The following VPS13B variants were observed in gnomAD, a reference collection of about 807,000 sequenced individuals.
VPS13B encodes the protein vacuolar protein sorting 13 homolog B, also known as intermembrane lipid transfer protein VPS13B.
Under a neutral mutation model 426.4 loss-of-function variants are expected in VPS13B, and 285 were observed. The observed-to-expected ratio is 0.67, with a 90% CI of 0.61 to 0.74. The LOEUF (loss-of-function observed/expected upper bound fraction) is 0.74. Ranked by LOEUF, VPS13B falls within the 30% of genes least tolerant of loss-of-function variation. The pLI is 0.00. For missense variants in VPS13B, 4,537 were observed against 4,782.6 expected, an observed-to-expected ratio of 0.95 and a Z score of 1.51; for synonymous variants, 1,676 against 1,676.4, an observed-to-expected ratio of 1.00 and a Z score of 0.01.
At chr8:99,824,636 G>T (rs1814569458) in intron 51 of VPS13B, among the ~76,000 whole-genome samples, 1 of 146,988 alleles carries the variant, frequency 6.8e-6, no homozygotes. Flanking sequence ...TGGGATACAT[G>T]TGTAGAACAT....
chr8:99,425,895 T>A (rs946598538), intron 21 of VPS13B, among the ~76,000 whole-genome samples: 2 of 151,868 alleles, frequency 1.3e-5, no homozygotes, highest in African/African-American at 4.9e-5. Flanking sequence ...ACAAGCATTC[T>A]GTTTTTTGTT....
At chr8:99,050,620 C>T (rs1433730607) in intron 3 of VPS13B, among the ~76,000 whole-genome samples, 1 of 152,206 alleles carries the variant, frequency 6.6e-6, no homozygotes, top group Non-Finnish European at 1.5e-5. Flanking sequence ...CTGACTTCTA[C>T]AGTGGTTGAA....
chr8:99,161,029 TTA>T (rs1238020389), intron 15 of VPS13B, among the ~76,000 whole-genome samples: 2 of 152,154 alleles, frequency 1.3e-5, no homozygotes, highest in Admixed American at 1.3e-4. Context: ...GGCCATTATT[TTA>T]GTGATCTACC....
intron 33 of VPS13B, among the ~76,000 whole-genome samples, chr8:99,602,736 A>G (rs1217989264): frequency 6.6e-6 from 1 of 152,130 alleles, no homozygotes; most frequent in Admixed American, 6.5e-5. Context: ...CTATACACCA[A>G]TAATAGACAA....
chr8:99,604,059 A>G (rs1241792378), intron 33 of VPS13B, among the ~76,000 whole-genome samples: 1 of 152,224 alleles, frequency 6.6e-6, no homozygotes, highest in African/African-American at 2.4e-5. Flanking sequence ...AATTCAGGCC[A>G]CAAGGACTGA....
At chr8:99,203,149 A>G (rs559158648) in intron 17 of VPS13B, among the ~76,000 whole-genome samples, 2 of 152,306 alleles carry the variant, frequency 1.3e-5, no homozygotes, top group South Asian at 4.1e-4. Flanking sequence ...CAGCACATCA[A>G]AAAGCTTATC....
At chr8:99,485,011 G>A (rs142470528) in intron 25 of VPS13B, among the ~76,000 whole-genome samples, 2 of 152,208 alleles carry the variant, frequency 1.3e-5, no homozygotes, top group African/African-American at 2.4e-5. Context: ...TTTCAATTTA[G>A]TGAGTCTTCA....
At chr8:99,472,772 A>G (rs562080226) in intron 24 of VPS13B, among the ~76,000 whole-genome samples, 1 of 152,104 alleles carries the variant, frequency 6.6e-6, no homozygotes, top group African/African-American at 2.4e-5. Context: ...CAAAATTGAC[A>G]GTTCCTTAGC....
In VPS13B at chr8:99,147,809, T is replaced by A. The variant is rs749854171; in HGVS notation, c.1844-32T>A. 6.0e-6 allele frequency: 8 copies of A among 1,328,506 alleles called. No homozygotes were observed. In the Admixed American group the frequency reaches 1.5e-4, roughly 25 times the overall value. The allele number at this position is 1,328,506 out of a possible 1,614,324, so 82.3% of individuals were successfully genotyped here. On this transcript the variant is annotated intron_variant, in intron 13 of 61. Coordinates refer to ENST00000357162, the MANE Select transcript of VPS13B (RefSeq NM_152564.5). ...GTTTAAGAATATTATTTAAAAATAT[T>A]CTTTATTAATTTTTTATCATTTTAA...
At chr8:99,515,919 T>C (rs1328146232) in intron 29 of VPS13B, among the ~76,000 whole-genome samples, 1 of 152,204 alleles carries the variant, frequency 6.6e-6, no homozygotes, top group African/African-American at 2.4e-5. Context: ...AATACATTTT[T>C]TGTGTATTAA....
chr8:99,142,428 G>A (rs1810478720), intron 12 of VPS13B, among the ~76,000 whole-genome samples: 1 of 152,100 alleles, frequency 6.6e-6, no homozygotes, highest in Non-Finnish European at 1.5e-5. Flanking sequence ...GAGGAGATGA[G>A]GAGTCTAGGA....
intron 14 of VPS13B, among the ~76,000 whole-genome samples, chr8:99,153,083 T>C (rs1305418526): frequency 6.6e-6 from 1 of 152,146 alleles, no homozygotes; most frequent in Non-Finnish European, 1.5e-5. Flanking sequence ...GGTGAGCGGA[T>C]CACCTGAGCC....
At chr8:99,721,848 G>A (rs553880458) in intron 39 of VPS13B, among the ~76,000 whole-genome samples, 5 of 152,284 alleles carry the variant, frequency 3.3e-5, no homozygotes, top group African/African-American at 9.6e-5. Flanking sequence ...TTGAGTTCAA[G>A]CTGCCATCTT....
At chr8:99,793,103 C>G (rs1386681483) in intron 43 of VPS13B, among the ~76,000 whole-genome samples, 1 of 150,116 alleles carries the variant, frequency 6.7e-6, no homozygotes, top group African/African-American at 2.4e-5. Context: ...ACTCAGGAGG[C>G]TGAAGTGGGA....
At chr8:99,206,704 A>T (rs1814744133) in intron 17 of VPS13B, among the ~76,000 whole-genome samples, 1 of 152,194 alleles carries the variant, frequency 6.6e-6, no homozygotes, top group Non-Finnish European at 1.5e-5. Context: ...CTGTAACTGA[A>T]TAAAGTTATG....
intron 43 of VPS13B, among the ~76,000 whole-genome samples, chr8:99,795,214 T>C (rs977780013): frequency 6.6e-6 from 1 of 152,140 alleles, no homozygotes; most frequent in Non-Finnish European, 1.5e-5. Context: ...GATCATGTAG[T>C]TTATTAGGCA....
In VPS13B at chr8:99,819,495, G is replaced by A. The variant is rs542840006; in HGVS notation, c.8705G>A (p.Gly2902Asp). ...ATAGCCACTAAGGTACACCCTGGAG[G>A]CACAGTTAATCAGATCCTTGACGAA... ...KQIATKVHPG[G>D]TVNQILDEFY... Residue 2902 changes from glycine to aspartate, a missense_variant, in exon 48 of 62, where the codon GGC becomes GAC. By Grantham distance (94) the Gly-to-Asp change is moderately conservative. Around this residue, in one of 2 missense-constraint regions of VPS13B, gnomAD observed 4,311 missense variants for 4,474.3 expected, o/e 0.96. Transcript: ENST00000357162. 2 of 1,613,836 alleles carry A rather than the reference G, an allele frequency of 1.2e-6. No individual in the cohort carries two copies. Among genetic ancestry groups the A allele is most frequent in the Admixed American group, 1.7e-5 (1 of 59,986 alleles).
chr8:99,066,304 A>T (rs923408424), intron 3 of VPS13B, among the ~76,000 whole-genome samples: 6 of 152,266 alleles, frequency 3.9e-5, no homozygotes, highest in Non-Finnish European at 8.8e-5. Flanking sequence ...CAAAACAGAT[A>T]TATAGACCAA....
chr8:99,697,988 G>T, intron 35 of VPS13B: 1 of 406,860 alleles, frequency 2.5e-6, no homozygotes, highest in Non-Finnish European at 4.7e-6. Flanking sequence ...GGAGAAGACT[G>T]AGAAGGAGGC....
Sources: allele counts gnomAD v4.1 joint callset (sites outside exome capture counted in the v4.1 genomes callset), GRCh38; gene constraint gnomAD v4.1.1; regional missense constraint gnomAD v4.1.1; transcripts MANE v1.5; gene names NCBI Gene and HGNC (gene_info 2026-07-23, HGNC 2026-07-21).